ADK: variants seen among roughly 807,000 people sequenced by gnomAD.
ADK encodes adenosine kinase, also known as N6,N6-dimethyladenosine kinase.
In ADK, 24 loss-of-function variants were observed where a neutral mutation model predicts 44.7. The ratio of observed to expected loss-of-function variants is 0.54; its 90% confidence interval spans 0.39 to 0.76. ADK has a LOEUF of 0.76. ADK is among the 30% of genes least tolerant of loss of function. ADK has a pLI of 0.00. For missense variants in ADK, 321 were observed against 425.1 expected (o/e 0.76, Z 2.15); for synonymous variants, 128 against 142.6 (o/e 0.90, Z 0.73).
At chr10:74,233,928 A>G (rs547162789) in intron 3 of ADK, among the ~76,000 whole-genome samples, 1 of 152,326 alleles carries the variant, frequency 6.6e-6, no homozygotes, top group South Asian at 2.1e-4. Flanking sequence ...TAGTTCATTG[A>G]TCCTTAACTG....
At chr10:74,690,174 G>T (rs1855936662) in intron 10 of ADK, among the ~76,000 whole-genome samples, 1 of 152,166 alleles carries the variant, frequency 6.6e-6, no homozygotes, top group Non-Finnish European at 1.5e-5. Context: ...ATCAGAGTTT[G>T]GTTGGCTCTC....
At chr10:74,182,347 T>TA (rs1842589472) in intron 1 of ADK, among the ~76,000 whole-genome samples, 5 of 144,862 alleles carry the variant, frequency 3.5e-5, no homozygotes, top group East Asian at 3.9e-4. Context: ...AACAGAAATC[T>TA]TTTTATTTAT....
chr10:74,319,502 C>T (rs1341925355), intron 4 of ADK, among the ~76,000 whole-genome samples: 1 of 152,182 alleles, frequency 6.6e-6, no homozygotes, highest in Non-Finnish European at 1.5e-5. Context: ...GCCTACCTTA[C>T]TGCCCTCATT....
At chr10:74,654,588 ATCACT>A (rs1383901502) in intron 9 of ADK, among the ~76,000 whole-genome samples, 1 of 152,210 alleles carries the variant, frequency 6.6e-6, no homozygotes, top group South Asian at 2.1e-4. Context: ...AGGTGGGCAG[ATCACT>A]TCAGTTCAGG....
intron 6 of ADK, among the ~76,000 whole-genome samples, chr10:74,437,485 T>A (rs891944628): frequency 5.3e-5 from 8 of 152,208 alleles, no homozygotes; most frequent in Non-Finnish European, 1.2e-4. Flanking sequence ...AGGGTTTGAC[T>A]CATGTGCCCT....
intron 7 of ADK, among the ~76,000 whole-genome samples, chr10:74,539,401 T>C (rs1333423255): frequency 6.6e-6 from 1 of 152,186 alleles, no homozygotes; most frequent in African/African-American, 2.4e-5. Flanking sequence ...ATCCGTATTC[T>C]GACAAAAGAG....
intron 7 of ADK, among the ~76,000 whole-genome samples, chr10:74,570,594 G>A (rs553362120): frequency 2.0e-5 from 3 of 152,248 alleles, no homozygotes; most frequent in South Asian, 4.2e-4. Flanking sequence ...CTGTTTGTCT[G>A]TTATTGGTGT....
chr10:74,306,531 A>C (rs1345992430), intron 3 of ADK, among the ~76,000 whole-genome samples: 1 of 151,982 alleles, frequency 6.6e-6, no homozygotes, highest in Non-Finnish European at 1.5e-5. Flanking sequence ...TAGTCAAATT[A>C]TTTTACCTCT....
At chr10:74,554,204 C>G (rs968861206) in intron 7 of ADK, among the ~76,000 whole-genome samples, 1 of 152,052 alleles carries the variant, frequency 6.6e-6, no homozygotes, top group Non-Finnish European at 1.5e-5. Flanking sequence ...TTTTTCCCTC[C>G]TGTCCTTTTT....
rs1010409763 is a variant in ADK, at chr10:74,393,778, CAG to C, written c.274-358_274-357del. On this transcript the variant is annotated intron_variant, in intron 4 of 10. Coordinates refer to ENST00000539909, the MANE Select transcript of ADK (RefSeq NM_006721.4). ...AAGTGGCAGAAGCAAGATTTGAACCCAGAGAGTCTTCAATCAAGATGGATTCT... is the reference window on the plus strand; with the variant it reads ...AAGTGGCAGAAGCAAGATTTGAACCCAGAGTCTTCAATCAAGATGGATTCT... Among the ~76,000 whole-genome samples, 33 of 152,250 alleles carry C rather than the reference CAG, an allele frequency of 2.2e-4. 1 individual carries two copies. The highest frequency in any genetic ancestry group is 7.2e-4 in the Admixed American group (11 of 15,288).
At chr10:74,214,554 A>T (rs1409635594) in intron 2 of ADK, among the ~76,000 whole-genome samples, 1 of 152,306 alleles carries the variant, frequency 6.6e-6, no homozygotes, top group East Asian at 1.9e-4. Flanking sequence ...TAACTGTGCA[A>T]CATTAGGCAT....
chr10:74,459,564 A>G (rs1846086465), intron 6 of ADK, among the ~76,000 whole-genome samples: 1 of 151,788 alleles, frequency 6.6e-6, no homozygotes, highest in African/African-American at 2.4e-5. Context: ...CCTCGTCTCT[A>G]CTAAAAATAC....
chr10:74,172,515 C>T (rs1842192413), intron 1 of ADK, among the ~76,000 whole-genome samples: 1 of 151,890 alleles, frequency 6.6e-6, no homozygotes, highest in South Asian at 2.1e-4. Context: ...ATGGAGAAAC[C>T]CCATCTCTTA....
intron 4 of ADK, among the ~76,000 whole-genome samples, chr10:74,354,327 T>C (rs1325849693): frequency 1.4e-5 from 2 of 141,044 alleles, no homozygotes; most frequent in East Asian, 2.0e-4. Flanking sequence ...CAGTAACTCT[T>C]TGAATTTTTT....
At position 74,163,213 on chromosome 10, in the gene ADK, G is replaced by T. The variant is rs772959584; in HGVS notation, c.65+11870G>T. Among the ~76,000 whole-genome samples, 3 of 152,094 alleles carry T rather than the reference G, an allele frequency of 2.0e-5. No individual in the cohort carries two copies. The South Asian group carries it at 6.2e-4, about 31-fold the overall frequency. ...GATCTCCTGACCTTGTGATCCATCC[G>T]CCTCGGCCTCCCAAAGTGTTGGGAT... On this transcript the variant is annotated intron_variant, in intron 1 of 10. Transcript: ENST00000539909.
rs1453873238 is a variant in ADK at position 74,291,552 on chromosome 10, T to C, written c.195-23115T>C. On this transcript the variant is annotated intron_variant, in intron 3 of 10. Coordinates refer to ENST00000539909, the MANE Select transcript of ADK (RefSeq NM_006721.4). ...AAGTGGAAAGCAAGCATAAACCATATGAAATTATTTTATATGCAGGATGTA... is the reference window on the plus strand; with the variant it reads ...AAGTGGAAAGCAAGCATAAACCATACGAAATTATTTTATATGCAGGATGTA... 2.0e-5 allele frequency among the ~76,000 whole-genome samples: 3 copies of C among 152,126 alleles called. No homozygotes were observed. The East Asian group carries it at 5.8e-4, about 29-fold the overall frequency.
intron 10 of ADK, among the ~76,000 whole-genome samples, chr10:74,680,096 C>T (rs1404556935): frequency 6.6e-5 from 10 of 151,960 alleles, no homozygotes; most frequent in East Asian, 1.9e-4. Context: ...GGGCAGATCA[C>T]GAGGTCAGGA....
chr10:74,404,809 T>A (rs1444930884), intron 6 of ADK, among the ~76,000 whole-genome samples: 1 of 152,172 alleles, frequency 6.6e-6, no homozygotes, highest in African/African-American at 2.4e-5. Flanking sequence ...GGCAACATAG[T>A]GAGACCCCAT....
rs145718971 is a variant in ADK, at chr10:74,608,322, T to A, written c.877+7829T>A. Among the ~76,000 whole-genome samples the A allele has an allele frequency of 3.1e-3, 475 of 152,214 alleles. 5 individuals are homozygous for A. Among genetic ancestry groups the A allele is most frequent in the South Asian group, 0.014 (65 of 4,804 alleles). ...GGAGGAGAAGAGGCATTCTGGTTTCTGGAATTTTCAGCCTTTTTGCACTGG... is the reference window on the plus strand; with the variant it reads ...GGAGGAGAAGAGGCATTCTGGTTTCAGGAATTTTCAGCCTTTTTGCACTGG... On this transcript the variant is annotated intron_variant, in intron 9 of 10. Transcript: ENST00000539909.
Sources: gnomAD v4.1 joint callset for allele counts (sites outside exome capture counted in the v4.1 genomes callset) on GRCh38, gnomAD v4.1.1 for gene constraint, MANE v1.5 for transcripts, NCBI Gene and HGNC (gene_info 2026-07-23, HGNC 2026-07-21) for gene names.